The following NCOA7 variants were observed in gnomAD, a reference collection of about 807,000 sequenced individuals.
The protein encoded by NCOA7 is nuclear receptor coactivator 7.
Under a neutral mutation model 104.3 loss-of-function variants are expected in NCOA7, and 45 were observed. The ratio of observed to expected loss-of-function variants is 0.43; its 90% CI spans 0.34 to 0.55. The LOEUF (loss-of-function observed/expected upper bound fraction) is 0.55. NCOA7 is among the 20% of genes least tolerant of loss of function. The probability of loss-of-function intolerance (pLI) is 0.02; values close to 1 mark genes in which losing one functional copy is unlikely to be tolerated. For missense variants in NCOA7, 1,041 were observed against 1,119.7 expected (o/e 0.93, Z 1.00); for synonymous variants, 398 against 402.3 (o/e 0.99, Z 0.13).
At chr6:125,897,871 G>A (rs1041826242) in intron 10 of NCOA7, among the ~76,000 whole-genome samples, 1 of 152,108 alleles carries the variant, frequency 6.6e-6, no homozygotes, top group Non-Finnish European at 1.5e-5. Context: ...TAGAGACAGG[G>A]TTTCACCATT....
Position 125,904,895 on chromosome 6 carries a change from C to T in NCOA7, c.2097-10438C>T, listed in dbSNP as rs569442858. Among the ~76,000 whole-genome samples, 18 of 152,306 alleles carry T rather than the reference C, an allele frequency of 1.2e-4. No individual in the cohort carries two copies. The East Asian group carries it at 2.5e-3, about 21-fold the overall frequency. On this transcript the variant is annotated intron_variant, in intron 10 of 15. Transcript: ENST00000392477. Reference sequence around the variant, plus strand: ...GTTTCTTCTTGGCCTTGTGCTAGGACGGCTCTGCTTTCTCCTTAAATATTA... The same window carrying T: ...GTTTCTTCTTGGCCTTGTGCTAGGATGGCTCTGCTTTCTCCTTAAATATTA...
intron 1 of NCOA7, among the ~76,000 whole-genome samples, chr6:125,803,489 G>A (rs1776113801): frequency 6.6e-6 from 1 of 152,068 alleles, no homozygotes; most frequent in Admixed American, 6.5e-5. Flanking sequence ...TATATTACAA[G>A]GCACTATTTA....
intron 2 of NCOA7, among the ~76,000 whole-genome samples, chr6:125,815,905 A>T (rs757983959): frequency 1.7e-4 from 26 of 152,186 alleles, no homozygotes; most frequent in Non-Finnish European, 3.8e-4. Flanking sequence ...AACATAAATA[A>T]ATTTGTTGAT....
intron 12 of NCOA7, among the ~76,000 whole-genome samples, chr6:125,922,304 C>G (rs1787656651): frequency 6.6e-6 from 1 of 152,150 alleles, no homozygotes; most frequent in South Asian, 2.1e-4. Flanking sequence ...TTTTGAGCCT[C>G]TGAGTGTTTA....
At chr6:125,881,819 AT>A (rs1272302221) in intron 6 of NCOA7, among the ~76,000 whole-genome samples, 15 of 147,670 alleles carry the variant, frequency 1.0e-4, no homozygotes, top group Admixed American at 9.5e-4. Flanking sequence ...GAATTTTTTC[AT>A]TTAGGTTACT....
intron 1 of NCOA7, among the ~76,000 whole-genome samples, chr6:125,812,119 G>C (rs1424699949): frequency 6.6e-6 from 1 of 152,154 alleles, no homozygotes; most frequent in African/African-American, 2.4e-5. Flanking sequence ...ATAATATGTT[G>C]AAGTAAATGG....
At chr6:125,927,884 C>T in intron 14 of NCOA7, 126 bp downstream of exon 14, 1 of 823,424 alleles carries the variant, frequency 1.2e-6, no homozygotes, top group South Asian at 1.5e-5. Context: ...CTGGGTCAGC[C>T]CTTTATGACT....
At chr6:125,922,562 AG>A in intron 12 of NCOA7, 119 bp from the exon 13 acceptor site, 2 of 1,132,782 alleles carry the variant, frequency 1.8e-6, no homozygotes, top group Non-Finnish European at 2.5e-6. Flanking sequence ...CAGAATAAGG[AG>A]GGGCACTATG....
intron 2 of NCOA7, among the ~76,000 whole-genome samples, chr6:125,839,641 A>G (rs939103003): frequency 3.9e-5 from 6 of 152,064 alleles, no homozygotes; most frequent in African/African-American, 1.5e-4. Flanking sequence ...GTGTTTTAGG[A>G]AGTCTGTGCC....
chr6:125,854,230 C>G (rs955674949), intron 2 of NCOA7, among the ~76,000 whole-genome samples: 26 of 152,286 alleles, frequency 1.7e-4, no homozygotes, highest in African/African-American at 6.0e-4. Context: ...AAGGCAAAAA[C>G]ATTCTCGACT....
At position 125,889,831 on chromosome 6, in the gene NCOA7, C is replaced by G; in HGVS notation, c.1777C>G (p.Leu593Val). Residue 593 changes from leucine (L) to valine (V), a missense_variant, in exon 9 of 16, where the codon CTG becomes GTG. Physicochemically the swap from Leu to Val is conservative, Grantham distance 32. Around this residue, in one of 2 missense-constraint regions of NCOA7, gnomAD observed 914 missense variants for 942.7 expected, o/e 0.97. Transcript: ENST00000392477. ...VKKGEPLPVK[L>V]NSSTEANVIK... ...AAAGGGAGAGCCCCTCCCGGTAAAA[C>G]TGAACTCTTCTACAGAAGCAAATGT... is the stretch of plus-strand genomic sequence containing the variant. 6.2e-7 allele frequency: 1 copy of G among 1,613,694 alleles called. No individual in the cohort carries two copies. Among genetic ancestry groups the G allele is most frequent in the Non-Finnish European group, 8.5e-7 (1 of 1,179,892 alleles).
intron 12 of NCOA7, 73 bp downstream of exon 12, chr6:125,921,141 G>T: frequency 6.4e-7 from 1 of 1,552,702 alleles, no homozygotes; most frequent in Non-Finnish European, 8.7e-7. Flanking sequence ...CAGGTACAGT[G>T]GCTCATGCCT....
chr6:125,912,370 C>T (rs959610302), intron 10 of NCOA7, among the ~76,000 whole-genome samples: 5 of 151,800 alleles, frequency 3.3e-5, no homozygotes, highest in African/African-American at 1.2e-4. Context: ...CTCCATATTG[C>T]TGCGTGGGCA....
In NCOA7 at chr6:125,890,680, C is replaced by T. The variant is rs1784563493; in HGVS notation, c.1966C>T (p.Pro656Ser). The change falls in exon 10 of 16, where the codon CCC becomes TCC. Residue 656 changes from proline (P) to serine (S), a missense_variant. Physicochemically the swap from Pro to Ser is moderately conservative, Grantham distance 74. Around this residue, in one of 2 missense-constraint regions of NCOA7, gnomAD observed 914 missense variants for 942.7 expected, o/e 0.97. Coordinates refer to ENST00000392477, the MANE Select transcript of NCOA7 (RefSeq NM_181782.5). ...AAAAGAAGAAAAAAGCAAGACCCCA[C>T]CCATGTTCCTGTGCATCAAAGTGGG... is the stretch of plus-strand genomic sequence containing the variant. Reference protein sequence around the residue: ...PSKEEKSKTPPMFLCIKVGKP... With the variant: ...PSKEEKSKTPSMFLCIKVGKP... The T allele has an allele frequency of 6.2e-7, 1 of 1,613,582 alleles. No homozygotes were observed. The highest frequency in any genetic ancestry group is 8.5e-7 in the Non-Finnish European group (1 of 1,179,798).
chr6:125,842,098 C>T (rs1335753600), intron 2 of NCOA7, among the ~76,000 whole-genome samples: 3 of 152,170 alleles, frequency 2.0e-5, no homozygotes, highest in Non-Finnish European at 4.4e-5. Flanking sequence ...TTTTATGCTA[C>T]TTATAAGTGT....
At chr6:125,860,008 T>C (rs1350379424) in intron 3 of NCOA7, among the ~76,000 whole-genome samples, 9 of 152,172 alleles carry the variant, frequency 5.9e-5, no homozygotes, top group Admixed American at 1.3e-4. Flanking sequence ...AGTGATTACA[T>C]TGAGGCAGAT....
In NCOA7 at chr6:125,855,346, A is replaced by G; in HGVS notation, c.271+106A>G. The G allele has an allele frequency of 1.6e-5, 14 of 870,662 alleles. No individual in the cohort carries two copies. In the South Asian group the frequency reaches 1.9e-4, roughly 12 times the overall value. 53.9% of individuals were successfully genotyped at this position (870,662 alleles called of 1,614,324 possible). ...TCATAATAATGGTAACAGTTTATGG[A>G]GCAGCTGCTATGTGCCCCTGGCCCT... On this transcript the variant is annotated intron_variant, in intron 3 of 15. Coordinates refer to ENST00000392477, the MANE Select transcript of NCOA7 (RefSeq NM_181782.5).
chr6:125,890,207 G>A (rs1017213350), intron 9 of NCOA7, among the ~76,000 whole-genome samples: 15 of 152,064 alleles, frequency 9.9e-5, no homozygotes, highest in African/African-American at 3.6e-4. Context: ...TTCAAAAGTC[G>A]TTTACTTTTA....
In NCOA7 at chr6:125,889,120, G is replaced by T; in HGVS notation, c.1066G>T (p.Gly356Ter). The T allele has an allele frequency of 6.2e-7, 1 of 1,614,096 alleles. No homozygotes were observed. Among genetic ancestry groups the T allele is most frequent in the Non-Finnish European group, 8.5e-7 (1 of 1,179,988 alleles). The change falls in exon 9 of 16, where the codon GGA (glycine) becomes TGA (stop). Residue 356 changes from glycine to a stop codon, truncating the protein, a stop_gained. Coordinates refer to ENST00000392477, the MANE Select transcript of NCOA7 (RefSeq NM_181782.5). LOFTEE classifies it high-confidence loss of function. The part of the protein sequence containing the change: ...RPIVPLEKST[G>*]HTPTKPSGSS... ...AATAGTACCTTTGGAGAAGTCCACA[G>T]GACATACACCTACAAAGCCCTCAGG...
Sources: gnomAD v4.1 joint callset for allele counts (sites outside exome capture counted in the v4.1 genomes callset) on GRCh38, gnomAD v4.1.1 for gene constraint, gnomAD v4.1.1 regional missense constraint, MANE v1.5 for transcripts, NCBI Gene and HGNC (gene_info 2026-07-23, HGNC 2026-07-21) for gene names.